Variants in RGPD4 observed in about 807,000 individuals in gnomAD.
RGPD4 encodes RANBP2 like and GRIP domain containing 4, also known as ranBP2-like and GRIP domain-containing protein 4.
RGPD4 carries 84 observed loss-of-function variants against 141.1 expected under a neutral mutation model. That is an observed-to-expected ratio of 0.60 (90% CI 0.50 to 0.71). The LOEUF is 0.71. RGPD4 is among the 30% of genes least tolerant of loss of function. The probability of loss-of-function intolerance (pLI) is 0.00; values close to 1 mark genes in which losing one functional copy is unlikely to be tolerated. For synonymous variants in RGPD4, 298 were observed against 566.8 expected (o/e 0.53, Z 6.74); for missense variants, 918 against 1,622.4 (o/e 0.57, Z 7.46).
At chr2:107,881,614 C>T (rs1315033860) in intron 21 of RGPD4, among the ~76,000 whole-genome samples, 1 of 151,042 alleles carries the variant, frequency 6.6e-6, no homozygotes, top group Non-Finnish European at 1.5e-5. Flanking sequence ...CCACGCCTGG[C>T]CAAATGTTAT....
Position 107,870,694 on chromosome 2 carries a change from T to A in RGPD4, c.2701-11T>A. ...GTGGATCAAGAAAATTCACCTTCATTTATGTTTCAGGGTTCTTCTAATACA... is the reference window on the plus strand; with the variant it reads ...GTGGATCAAGAAAATTCACCTTCATATATGTTTCAGGGTTCTTCTAATACA... On this transcript the variant is annotated splice_polypyrimidine_tract_variant and intron_variant, in intron 19 of 22. Transcript: ENST00000408999. The A allele has an allele frequency of 1.3e-6, 2 of 1,591,962 alleles. No individual in the cohort carries two copies.
chr2:107,883,637 AAACAAAAAC>A (rs1378186465), intron 22 of RGPD4, among the ~76,000 whole-genome samples: 17 of 35,680 alleles, frequency 4.8e-4, no homozygotes, highest in African/African-American at 4.3e-3. Flanking sequence ...AAAAAAAAAA[AAACAAAAAC>A]AAAAAACTAT....
Position 107,827,085 on chromosome 2 carries a change from G to C in RGPD4, c.72G>C (p.Lys24Asn). The C allele has an allele frequency of 3.1e-6, 5 of 1,590,074 alleles. No homozygotes were observed. Among genetic ancestry groups the C allele is most frequent in the Non-Finnish European group, 4.3e-6 (5 of 1,169,708 alleles). ...AGGGCTCCGCCCCGTCGCCTCGAAA[G>C]GTGAGTGGATCTCGAAGAGACCGAC... ...SVQGSAPSPR[K>N]KSTRGFYFAK... is the part of the protein sequence containing the mutation. The change falls in exon 1 of 23, where the codon AAG becomes AAC. Residue 24 changes from lysine (K) to asparagine (N), a missense_variant and splice_region_variant. By Grantham distance (94) the Lys-to-Asn change is moderately conservative. Transcript: ENST00000408999.
chr2:107,890,500 C>T (rs1328566575), intron 22 of RGPD4, among the ~76,000 whole-genome samples: 1 of 121,116 alleles, frequency 8.3e-6, no homozygotes, highest in Non-Finnish European at 1.7e-5. Flanking sequence ...ACTGAAGTCT[C>T]ATCACGCCAC....
chr2:107,830,566 C>T (rs1300341694), intron 1 of RGPD4, among the ~76,000 whole-genome samples: 1 of 152,064 alleles, frequency 6.6e-6, no homozygotes, highest in African/African-American at 2.4e-5. Flanking sequence ...AATTGAAAGT[C>T]ATTTACATTA....
intron 6 of RGPD4, among the ~76,000 whole-genome samples, chr2:107,844,131 T>G (rs1489686596): frequency 6.6e-6 from 1 of 151,106 alleles, no homozygotes; most frequent in Non-Finnish European, 1.5e-5. Context: ...TATAAGCACT[T>G]AGCATCACTG....
Position 107,869,916 on chromosome 2 carries a change from A to G in RGPD4, c.2639A>G (p.Gln880Arg). The change falls in exon 19 of 23, where the codon CAG (glutamine) becomes CGG (arginine). Residue 880 changes from glutamine to arginine, a missense_variant. By Grantham distance (43) the Gln-to-Arg change is conservative. Transcript: ENST00000408999. ...ACTGGCCCTTCAGTATATTATAGTC[A>G]GTCACCAGCATATAATTCCCAGTAT... The part of the protein sequence containing the change: ...ATTGPSVYYS[Q>R]SPAYNSQYLL... The G allele has an allele frequency of 6.7e-7, 1 of 1,492,134 alleles. No individual in the cohort carries two copies. Among genetic ancestry groups the G allele is most frequent in the South Asian group, 1.3e-5 (1 of 78,810 alleles). 92.4% of individuals were successfully genotyped at this position (1,492,134 alleles called of 1,614,324 possible).
Position 107,871,989 on chromosome 2 carries a change from G to A in RGPD4, c.3985G>A (p.Glu1329Lys), listed in dbSNP as rs1682941000. ...DEESDVTQEE[E>K]RDGQYFEPVV... ...AGAATCTGATGTTACTCAAGAAGAA[G>A]AGAGAGATGGACAGTACTTTGAACC... Residue 1329 changes from glutamate (E) to lysine (K), a missense_variant, in exon 20 of 23, where the codon GAG (glutamate) becomes AAG (lysine). Transcript: ENST00000408999. 1.2e-6 allele frequency: 2 copies of A among 1,611,386 alleles called. No individual in the cohort carries two copies. Among genetic ancestry groups the A allele is most frequent in the African/African-American group, 1.3e-5 (1 of 74,414 alleles).
intron 7 of RGPD4, among the ~76,000 whole-genome samples, chr2:107,852,250 CAA>C (rs374226591): frequency 0.32 from 36,244 of 114,250 alleles, 4,548 homozygotes; most frequent in Non-Finnish European, 0.4. Flanking sequence ...GACTCCATCT[CAA>C]AAAAAAAAAA....
chr2:107,865,899 A>T (rs1427080032), intron 17 of RGPD4, among the ~76,000 whole-genome samples: 9 of 142,586 alleles, frequency 6.3e-5, no homozygotes, highest in Admixed American at 5.6e-4. Context: ...GTGAAACCGC[A>T]TCTCTACTAT....
rs1381382929 is a variant in RGPD4, at chr2:107,873,571, CT to C, written c.4924+644del. 9.3e-5 allele frequency among the ~76,000 whole-genome samples: 7 copies of C among 75,540 alleles called. No individual in the cohort carries two copies. In the Admixed American group the frequency reaches 1.2e-3, roughly 13 times the overall value. The allele number at this position is 75,540 out of a possible 152,430, so 49.6% of individuals were successfully genotyped here. A position where few individuals can be genotyped will look rare whatever the true frequency, so the allele number is the denominator to read the frequency against. On this transcript the variant is annotated intron_variant, in intron 20 of 22. Coordinates refer to ENST00000408999, the MANE Select transcript of RGPD4 (RefSeq NM_182588.3). Reference sequence around the variant, plus strand: ...CCTGACTGAGTGACTGAGACTTTGTCTCCAAAAAAAAAAAAAAAAAAAAAAA... The same window carrying C: ...CCTGACTGAGTGACTGAGACTTTGTCCCAAAAAAAAAAAAAAAAAAAAAAA...
At chr2:107,884,939 C>T (rs1336546626) in intron 22 of RGPD4, among the ~76,000 whole-genome samples, 1 of 151,178 alleles carries the variant, frequency 6.6e-6, no homozygotes, top group East Asian at 1.9e-4. Context: ...ATTTTTTTTA[C>T]AGACATACTT....
At chr2:107,879,916 T>A (rs1675300325) in intron 20 of RGPD4, 52 bp from the exon 21 acceptor site, 1 of 1,600,532 alleles carries the variant, frequency 6.2e-7, no homozygotes, top group Non-Finnish European at 8.5e-7. Flanking sequence ...TTTAGAATCT[T>A]CATCTGTAAT....
rs1450520271 is a variant in RGPD4 at position 107,849,117 on chromosome 2, T to C, written c.978+581T>C. 1.4e-3 allele frequency among the ~76,000 whole-genome samples: 142 copies of C among 103,238 alleles called. No homozygotes were observed. The Middle Eastern group carries it at 0.02, about 14-fold the overall frequency. The allele number at this position is 103,238 out of a possible 152,430, so 67.7% of individuals were successfully genotyped here. On this transcript the variant is annotated intron_variant, in intron 7 of 22. Transcript: ENST00000408999. ...GTTGCCAGGCTGGAGTGCAGTGGCG[T>C]GATCTCGGCTCACTGCAGCCTCCAC...
intron 22 of RGPD4, among the ~76,000 whole-genome samples, chr2:107,884,606 A>G (rs1675460701): frequency 6.9e-6 from 1 of 145,980 alleles, no homozygotes; most frequent in Admixed American, 7.0e-5. Context: ...AAAATACATC[A>G]TAGATGGTAT....
At position 107,871,684 on chromosome 2, in the gene RGPD4, G is replaced by C. The variant is rs1403091170; in HGVS notation, c.3680G>C (p.Gly1227Ala). The change falls in exon 20 of 23, where the codon GGT becomes GCT. Residue 1227 changes from glycine (G) to alanine (A), a missense_variant. Coordinates refer to ENST00000408999, the MANE Select transcript of RGPD4 (RefSeq NM_182588.3). ...GAAGAAAATAAGGGTTCAGGTACAGGTGCGGCCGGTGCCTCAGACACAACA... is the reference window on the plus strand; with the variant it reads ...GAAGAAAATAAGGGTTCAGGTACAGCTGCGGCCGGTGCCTCAGACACAACA... ...TEEENKGSGT[G>A]AAGASDTTIK... 2 of 1,609,252 alleles carry C rather than the reference G, an allele frequency of 1.2e-6. No individual in the cohort carries two copies. The highest frequency in any genetic ancestry group is 1.7e-6 in the Non-Finnish European group (2 of 1,179,544).
chr2:107,847,118 T>C (rs1484860576), intron 6 of RGPD4, among the ~76,000 whole-genome samples: 1 of 145,968 alleles, frequency 6.9e-6, no homozygotes, highest in Admixed American at 6.8e-5. Context: ...GGTACGCGCC[T>C]ATAGTCCCAG....
In RGPD4 at chr2:107,853,928, T is replaced by A. The variant is rs868436009; in HGVS notation, c.979-628T>A. Reference sequence around the variant, plus strand: ...ATGCCTGGCTAATTAAAAAAAACTTTTTTTAGAGATAGGGTCTCACCGTGT... The same window carrying A: ...ATGCCTGGCTAATTAAAAAAAACTTATTTTAGAGATAGGGTCTCACCGTGT... On this transcript the variant is annotated intron_variant, in intron 7 of 22. Coordinates refer to ENST00000408999, the MANE Select transcript of RGPD4 (RefSeq NM_182588.3). 7.5e-5 allele frequency among the ~76,000 whole-genome samples: 9 copies of A among 120,772 alleles called. No individual in the cohort carries two copies. In the South Asian group the frequency reaches 1.9e-3, roughly 25 times the overall value. 79.2% of individuals were successfully genotyped at this position (120,772 alleles called of 152,430 possible).
At chr2:107,846,051 C>A (rs1251395677) in intron 6 of RGPD4, among the ~76,000 whole-genome samples, 4 of 108,280 alleles carry the variant, frequency 3.7e-5, no homozygotes, top group Admixed American at 2.6e-4. Flanking sequence ...CTCAGCCTCC[C>A]GAGTAGCTGG....
Sources: gnomAD v4.1 joint callset for allele counts (sites outside exome capture counted in the v4.1 genomes callset) on GRCh38, gnomAD v4.1.1 for gene constraint, MANE v1.5 for transcripts, NCBI Gene and HGNC (gene_info 2026-07-23, HGNC 2026-07-21) for gene names.